Variants in VAT1L observed in about 807,000 individuals in gnomAD.
VAT1L encodes putative NADPH-dependent quinone oxidoreductase VAT1L.
Under a neutral mutation model 44.1 loss-of-function variants are expected in VAT1L, and 34 were observed. The ratio of observed to expected loss-of-function variants is 0.77; its 90% confidence interval spans 0.59 to 1.03. The LOEUF is 1.03. Ranked by LOEUF, VAT1L falls within the 50% of genes least tolerant of loss-of-function variation. The pLI is 0.00. For synonymous variants in VAT1L, 253 were observed against 202.2 expected (o/e 1.25, Z -2.13); for missense variants, 615 against 538.8 (o/e 1.14, Z -1.40).
intron 3 of VAT1L, among the ~76,000 whole-genome samples, chr16:77,855,605 T>G (rs1388954755): frequency 6.6e-6 from 1 of 152,228 alleles, no homozygotes; most frequent in African/African-American, 2.4e-5. Flanking sequence ...AATTGTACTT[T>G]AATGGTTTAT....
At position 77,879,289 on chromosome 16, in the gene VAT1L, TTTTG is replaced by T. The variant is rs937259051; in HGVS notation, c.882+81_882+84del. 1.8e-4 allele frequency: 272 copies of T among 1,530,856 alleles called. 1 individual carries two copies. Among genetic ancestry groups the T allele is most frequent in the South Asian group, 7.4e-4 (65 of 87,660 alleles). The allele number at this position is 1,530,856 out of a possible 1,614,324, so 94.8% of individuals were successfully genotyped here. The stretch of plus-strand genomic sequence containing the variant: ...TTGATTCACATGTTGAGAGCTTTGT[TTTTG>T]TTTGTTTGTTTGTTTTGAGACAGCG... On this transcript the variant is annotated intron_variant, in intron 6 of 8. Transcript: ENST00000302536. The surrounding 1 kb of genome is among the most constrained non-coding windows in gnomAD (Gnocchi z 4.1).
chr16:77,851,196 G>A (rs1357580076), intron 3 of VAT1L, among the ~76,000 whole-genome samples: 1 of 152,204 alleles, frequency 6.6e-6, no homozygotes, highest in Non-Finnish European at 1.5e-5. Flanking sequence ...CAAAACTGTG[G>A]TAGGGTAGAG....
At chr16:77,835,660 G>T (rs994154936) in intron 3 of VAT1L, among the ~76,000 whole-genome samples, 1 of 152,118 alleles carries the variant, frequency 6.6e-6, no homozygotes, top group African/African-American at 2.4e-5. Context: ...ATCACCTGAG[G>T]TCAGGAGTTC....
chr16:77,952,084 A>T (rs1012546755), intron 7 of VAT1L, among the ~76,000 whole-genome samples: 2 of 152,150 alleles, frequency 1.3e-5, no homozygotes, highest in African/African-American at 2.4e-5. Context: ...CTTCCCAGAG[A>T]CTGGGAGATA....
chr16:77,953,627 A>T (rs1193137072), intron 7 of VAT1L, among the ~76,000 whole-genome samples: 2 of 152,036 alleles, frequency 1.3e-5, no homozygotes, highest in Non-Finnish European at 2.9e-5. Flanking sequence ...TGCGGTCTCG[A>T]ACTCCTGGGG....
At chr16:77,826,063 C>T (rs555515705) in intron 3 of VAT1L, among the ~76,000 whole-genome samples, 71 of 142,722 alleles carry the variant, frequency 5.0e-4, no homozygotes, top group Non-Finnish European at 8.6e-4. Flanking sequence ...AGAAATTAGC[C>T]GGGCGTAGTG....
At position 77,871,050 on chromosome 16, in the gene VAT1L, G is replaced by C. The variant is rs139420117; in HGVS notation, c.723-5320G>C. On this transcript the variant is annotated intron_variant, in intron 4 of 8. Coordinates refer to ENST00000302536, the MANE Select transcript of VAT1L (RefSeq NM_020927.3). ...GGTCTGTCATAGAAGGGACTCAACA[G>C]AGGTGGAGCACTTTTCAATTTTGAA... 1.2e-3 allele frequency among the ~76,000 whole-genome samples: 182 copies of C among 152,290 alleles called. 1 individual carries two copies. Among genetic ancestry groups the C allele is most frequent in the African/African-American group, 4.2e-3 (176 of 41,560 alleles).
At chr16:77,826,906 T>G (rs1029287256) in intron 3 of VAT1L, among the ~76,000 whole-genome samples, 1 of 152,348 alleles carries the variant, frequency 6.6e-6, no homozygotes, top group East Asian at 1.9e-4. Flanking sequence ...ATCTCAGAGA[T>G]ATTTCACTGG....
chr16:77,886,682 A>T (rs1173883417), intron 7 of VAT1L, among the ~76,000 whole-genome samples: 1 of 152,204 alleles, frequency 6.6e-6, no homozygotes, highest in Non-Finnish European at 1.5e-5. Context: ...GAGTAGGAGG[A>T]GATAGAAAAT....
intron 4 of VAT1L, among the ~76,000 whole-genome samples, chr16:77,867,356 T>G (rs1452875245): frequency 6.6e-6 from 1 of 152,180 alleles, no homozygotes. Context: ...GTCAATTATA[T>G]CTCAATAAAG....
At chr16:77,792,874 A>G (rs896539941) in intron 1 of VAT1L, among the ~76,000 whole-genome samples, 1 of 152,218 alleles carries the variant, frequency 6.6e-6, no homozygotes, top group Non-Finnish European at 1.5e-5. Context: ...AGCTTAAATG[A>G]CATGCCATAT....
intron 7 of VAT1L, among the ~76,000 whole-genome samples, chr16:77,885,463 G>A (rs559816424): frequency 6.6e-6 from 1 of 152,232 alleles, no homozygotes; most frequent in South Asian, 2.1e-4. Flanking sequence ...TCAAGTAAGG[G>A]GAAGGTTTGG....
intron 3 of VAT1L, among the ~76,000 whole-genome samples, chr16:77,838,073 C>G (rs1018135421): frequency 6.6e-6 from 1 of 152,190 alleles, no homozygotes; most frequent in Non-Finnish European, 1.5e-5. Flanking sequence ...GAGATTGTCT[C>G]AAGCCCCCTT....
chr16:77,842,596 T>C (rs1424752828), intron 3 of VAT1L, among the ~76,000 whole-genome samples: 1 of 152,180 alleles, frequency 6.6e-6, no homozygotes, highest in Non-Finnish European at 1.5e-5. Flanking sequence ...ACATGATACT[T>C]TGAGAGAGCT....
At chr16:77,909,337 A>C (rs1386378230) in intron 7 of VAT1L, among the ~76,000 whole-genome samples, 1 of 152,102 alleles carries the variant, frequency 6.6e-6, no homozygotes. Flanking sequence ...CTCTGCAGTA[A>C]GGATTATAAA....
chr16:77,961,245 C>T (rs2018156720), intron 7 of VAT1L, among the ~76,000 whole-genome samples: 1 of 152,076 alleles, frequency 6.6e-6, no homozygotes, highest in Non-Finnish European at 1.5e-5. Flanking sequence ...GAGTTCCAGG[C>T]TGTCACCAAG....
At chr16:77,960,204 G>C (rs2018146094) in intron 7 of VAT1L, among the ~76,000 whole-genome samples, 1 of 152,112 alleles carries the variant, frequency 6.6e-6, no homozygotes, top group African/African-American at 2.4e-5. Context: ...ACCAGCTTAG[G>C]GGGTCTTGTA....
At chr16:77,908,742 G>A (rs1316607778) in intron 7 of VAT1L, among the ~76,000 whole-genome samples, 1 of 151,686 alleles carries the variant, frequency 6.6e-6, no homozygotes, top group Admixed American at 6.6e-5. Context: ...AGCGAAACCC[G>A]TCTCTACTAA....
chr16:77,916,727 G>T (rs929187151), intron 7 of VAT1L, among the ~76,000 whole-genome samples: 1 of 151,928 alleles, frequency 6.6e-6, no homozygotes, highest in Non-Finnish European at 1.5e-5. Context: ...ATCTATGCTG[G>T]AATCGTCTTT....
Sources: allele counts gnomAD v4.1 joint callset (sites outside exome capture counted in the v4.1 genomes callset), GRCh38; gene constraint gnomAD v4.1.1; non-coding constraint Gnocchi (gnomAD v3.1); transcripts MANE v1.5; gene names NCBI Gene and HGNC (gene_info 2026-07-23, HGNC 2026-07-21).